Variants in NF1 observed in about 807,000 individuals in gnomAD.
The protein encoded by NF1 is neurofibromin.
A neutral mutation model predicts 325.7 loss-of-function variants in NF1; 122 were observed. That is an observed-to-expected ratio of 0.37 (90% confidence interval 0.32 to 0.44). The LOEUF (loss-of-function observed/expected upper bound fraction) is 0.44. NF1 is among the 20% of genes least tolerant of loss of function. The pLI, the probability that NF1 is intolerant of heterozygous loss-of-function variation, is 1.00. For synonymous variants in NF1, 1,091 were observed against 1,186.0 expected, an observed-to-expected ratio of 0.92 and a Z score of 1.65; for missense variants, 2,140 against 3,415.4, an observed-to-expected ratio of 0.63 and a Z score of 9.31.
In NF1 at chr17:31,374,253, C is replaced by A. The variant is rs2151601973; in HGVS notation, c.*98C>A. The A allele has an allele frequency of 6.7e-7, 1 of 1,496,152 alleles. No homozygotes were observed. Among genetic ancestry groups the A allele is most frequent in the South Asian group, 1.1e-5 (1 of 87,324 alleles). 92.7% of individuals were successfully genotyped at this position (1,496,152 alleles called of 1,614,324 possible). ...CCTTTCCCCCCATGTTGTAATGCTG[C>A]ACTTCCTGTTTTATAATGAACCCAT... On this transcript the variant is annotated 3_prime_UTR_variant, in exon 58 of 58. Transcript: ENST00000358273.
intron 8 of NF1, among the ~76,000 whole-genome samples, chr17:31,188,722 T>TGC (rs2066285024): frequency 6.6e-6 from 1 of 152,220 alleles, no homozygotes; most frequent in Non-Finnish European, 1.5e-5. Context: ...TCTGGCTGGC[T>TGC]ACCATCTAAT....
intron 57 of NF1, among the ~76,000 whole-genome samples, chr17:31,370,717 A>G (rs1368851341): frequency 3.3e-5 from 5 of 152,164 alleles, no homozygotes; most frequent in African/African-American, 4.8e-5. Context: ...AGAGTAGGCC[A>G]TGGTCTAGTA....
intron 29 of NF1, among the ~76,000 whole-genome samples, chr17:31,239,895 C>A (rs2067265793): frequency 6.6e-6 from 1 of 152,194 alleles, no homozygotes; most frequent in Non-Finnish European, 1.5e-5. Context: ...TCCCGAGTAG[C>A]TGGGATTACA....
At chr17:31,198,472 G>A (rs73273580) in intron 8 of NF1, among the ~76,000 whole-genome samples, 4,045 of 152,196 alleles carry the variant, frequency 0.027, 203 homozygotes, top group African/African-American at 0.093. Flanking sequence ...TTCCTCATGA[G>A]TTAGTTTCGG....
intron 47 of NF1, 45 bp from the exon 48 acceptor site, chr17:31,342,964 C>T (rs1338205212): frequency 6.2e-7 from 1 of 1,611,788 alleles, no homozygotes; most frequent in Admixed American, 1.7e-5. Context: ...TTAAAGAAAG[C>T]TACTGTGTGA....
chr17:31,135,286 T>G (rs1915684103), intron 1 of NF1, among the ~76,000 whole-genome samples: 1 of 152,220 alleles, frequency 6.6e-6, no homozygotes, highest in Non-Finnish European at 1.5e-5. Context: ...ATTTGAGTCC[T>G]GTATCATCAT....
intron 1 of NF1, among the ~76,000 whole-genome samples, chr17:31,129,530 A>G (rs1915173867): frequency 6.6e-6 from 1 of 150,610 alleles, no homozygotes; most frequent in South Asian, 2.1e-4. Flanking sequence ...CCTGGGTTCA[A>G]GCGATTCTCC....
chr17:31,182,814 TAGAAG>T, intron 8 of NF1, 149 bp downstream of exon 8: 2 of 754,660 alleles, frequency 2.7e-6, no homozygotes, highest in Non-Finnish European at 4.4e-6. Context: ...TTGATGGACT[TAGAAG>T]AGACATACTC....
intron 5 of NF1, among the ~76,000 whole-genome samples, chr17:31,179,869 A>G (rs932753303): frequency 6.6e-6 from 1 of 152,194 alleles, no homozygotes; most frequent in African/African-American, 2.4e-5. Context: ...CTCATAAAGA[A>G]GAAAGAGAGG....
Position 31,249,212 on chromosome 17 carries a change from G to A in NF1, c.4110+93G>A, listed in dbSNP as rs17883578. 2.6e-4 allele frequency: 355 copies of A among 1,388,350 alleles called. 2 individuals carry two copies. The African/African-American group carries it at 4.5e-3, about 18-fold the overall frequency. 86.0% of individuals were successfully genotyped at this position (1,388,350 alleles called of 1,614,324 possible). A position where few individuals can be genotyped will look rare whatever the true frequency, so the allele number is the denominator to read the frequency against. On this transcript the variant is annotated intron_variant, in intron 30 of 57. Coordinates refer to ENST00000358273, the MANE Select transcript of NF1 (RefSeq NM_001042492.3). ...AAGGATCTAGCTGCTGATGGTGTGT[G>A]GTTAACTATAATACTGAGTCAGTTT...
chr17:31,233,358 T>C (rs1360273520), intron 27 of NF1, 145 bp downstream of exon 27: 1 of 834,266 alleles, frequency 1.2e-6, no homozygotes, highest in African/African-American at 1.7e-5. Context: ...ATTTTTCAGC[T>C]GTAGGGAAGT....
intron 2 of NF1, among the ~76,000 whole-genome samples, chr17:31,157,795 T>TAAAAA (rs71142027): frequency 8.2e-6 from 1 of 122,176 alleles, no homozygotes. Context: ...CCGTCTCTAC[T>TAAAAA]AAAAAAAAAA....
At chr17:31,241,858 T>C (rs564676430) in intron 29 of NF1, among the ~76,000 whole-genome samples, 2 of 152,338 alleles carry the variant, frequency 1.3e-5, no homozygotes, top group Non-Finnish European at 2.9e-5. Flanking sequence ...AGATTTCTTA[T>C]TGCTTGTTAA....
Position 31,374,030 on chromosome 17 carries a change from G to A in NF1, c.8395G>A (p.Val2799Ile), listed in dbSNP as rs377393842. ...TTCTCCAGGAATCGACAAGGAGAAC[G>A]TTGAACTCTCCCCTACCACTGGCCA... is the stretch of plus-strand genomic sequence containing the variant. ...QHSPGIDKEN[V>I]ELSPTTGHCN... is the part of the protein sequence containing the mutation. Residue 2799 changes from valine to isoleucine, a missense_variant, in exon 58 of 58, where the codon GTT (valine) becomes ATT (isoleucine). Coordinates refer to ENST00000358273, the MANE Select transcript of NF1 (RefSeq NM_001042492.3). The A allele has an allele frequency of 3.8e-5, 61 of 1,613,936 alleles. No individual in the cohort carries two copies. The highest frequency in any genetic ancestry group is 1.6e-4 in the Middle Eastern group (1 of 6,084).
Position 31,200,411 on chromosome 17 carries a change from G to C in NF1, c.889-11G>C, listed in dbSNP as rs1361582007. 1 of 1,613,614 alleles carries C rather than the reference G, an allele frequency of 6.2e-7. No homozygotes were observed. The highest frequency in any genetic ancestry group is 8.5e-7 in the Non-Finnish European group (1 of 1,179,744). On this transcript the variant is annotated splice_polypyrimidine_tract_variant and intron_variant, in intron 8 of 57. Coordinates refer to ENST00000358273, the MANE Select transcript of NF1 (RefSeq NM_001042492.3). ...CATATATTATCTTATCGCTATATTT[G>C]AATTCTGTAGAAGTTATTTCTGGAC...
chr17:31,104,280 G>C (rs1225283659), intron 1 of NF1, among the ~76,000 whole-genome samples: 2 of 152,094 alleles, frequency 1.3e-5, no homozygotes, highest in African/African-American at 4.8e-5. Context: ...ATACTTTTAA[G>C]GATAAGCAGC....
At chr17:31,099,829 G>A (rs1019914197) in intron 1 of NF1, among the ~76,000 whole-genome samples, 1 of 152,068 alleles carries the variant, frequency 6.6e-6, no homozygotes, top group South Asian at 2.1e-4. Flanking sequence ...CCAAAGTGCT[G>A]GGATTACAGG....
intron 1 of NF1, chr17:31,137,808 A>G (rs547048081): frequency 2.0e-5 from 3 of 151,878 alleles, no homozygotes; most frequent in Admixed American, 6.6e-5. Context: ...AAAAATTGAT[A>G]ATTTGTCTAG....
intron 1 of NF1, among the ~76,000 whole-genome samples, chr17:31,155,385 C>A (rs1326573096): frequency 1.3e-5 from 2 of 152,118 alleles, no homozygotes; most frequent in African/African-American, 4.8e-5. Context: ...TCTGTTATCC[C>A]TTCAATTGTG....
Sources: gnomAD v4.1 joint callset for allele counts (sites outside exome capture counted in the v4.1 genomes callset) on GRCh38, gnomAD v4.1.1 for gene constraint, MANE v1.5 for transcripts, NCBI Gene and HGNC (gene_info 2026-07-23, HGNC 2026-07-21) for gene names.